The following PDE4D variants were observed in gnomAD, a reference collection of about 807,000 sequenced individuals.
The protein encoded by PDE4D is 3',5'-cyclic-AMP phosphodiesterase 4D.
Under a neutral mutation model 87.4 loss-of-function variants are expected in PDE4D, and 24 were observed. The observed-to-expected ratio is 0.27, with a 90% confidence interval of 0.20 to 0.39. PDE4D has a LOEUF of 0.39. Ranked by LOEUF, PDE4D falls within the 10% of genes least tolerant of loss-of-function variation. PDE4D has a pLI of 1.00. For missense variants in PDE4D, 714 were observed against 1,041.0 expected (o/e 0.69, Z 4.32); for synonymous variants, 384 against 383.2 (o/e 1.00, Z -0.02).
intron 2 of PDE4D, among the ~76,000 whole-genome samples, chr5:60,110,432 A>C (rs1227606018): frequency 1.3e-5 from 2 of 151,986 alleles, no homozygotes; most frequent in East Asian, 3.9e-4. Flanking sequence ...GAACATCACT[A>C]ATCATCAAAA....
chr5:59,792,402 CTGTGTGTGTG>C lies in PDE4D; in HGVS notation c.455+100756_455+100765del, dbSNP rs3062592. On this transcript the variant is annotated intron_variant, in intron 1 of 14. Coordinates refer to ENST00000340635, the MANE Select transcript of PDE4D (RefSeq NM_001104631.2). ...CAACCAACTTTGAGGCTCCAAGAAG[CTGTGTGTGTG>C]TGTGTGTGTGTGTGTGTGTGTGTGT... 1.4e-4 allele frequency among the ~76,000 whole-genome samples: 19 copies of C among 138,854 alleles called. No individual in the cohort carries two copies. In the East Asian group the frequency reaches 2.9e-3, roughly 21 times the overall value. The allele number at this position is 138,854 out of a possible 152,430, so 91.1% of individuals were successfully genotyped here.
At chr5:59,327,449 T>C (rs1387897749) in intron 1 of PDE4D, among the ~76,000 whole-genome samples, 3 of 152,048 alleles carry the variant, frequency 2.0e-5, no homozygotes, top group Admixed American at 6.6e-5. Context: ...CAAGTGCAAA[T>C]GAGCTACCTT....
At chr5:59,780,503 C>T (rs544123785) in intron 1 of PDE4D, among the ~76,000 whole-genome samples, 3 of 152,250 alleles carry the variant, frequency 2.0e-5, no homozygotes, top group South Asian at 2.1e-4. Context: ...CTTTCTTTTT[C>T]GGTAATTTTC....
intron 1 of PDE4D, among the ~76,000 whole-genome samples, chr5:59,229,935 A>C (rs1482410088): frequency 6.6e-6 from 1 of 151,962 alleles, no homozygotes; most frequent in African/African-American, 2.4e-5. Context: ...AGTAGCTGGG[A>C]TTACAGGCAG....
chr5:60,386,073 T>A (rs1378284677), intron 1 of PDE4D, among the ~76,000 whole-genome samples: 2 of 151,970 alleles, frequency 1.3e-5, no homozygotes, highest in South Asian at 2.1e-4. Flanking sequence ...AGAGGAAAAA[T>A]TAAATAATAA....
chr5:59,543,704 C>T (rs1180016605), intron 1 of PDE4D, among the ~76,000 whole-genome samples: 2 of 152,018 alleles, frequency 1.3e-5, no homozygotes, highest in African/African-American at 2.4e-5. Flanking sequence ...TGTTCCCATC[C>T]GTCTGGATGG....
At chr5:60,101,361 C>A (rs918951073) in intron 2 of PDE4D, among the ~76,000 whole-genome samples, 2 of 152,030 alleles carry the variant, frequency 1.3e-5, no homozygotes, top group African/African-American at 4.8e-5. Context: ...CTTTATAATA[C>A]CCACATTCTT....
At chr5:59,579,206 A>T (rs1203354278) in intron 1 of PDE4D, among the ~76,000 whole-genome samples, 1 of 152,158 alleles carries the variant, frequency 6.6e-6, no homozygotes, top group African/African-American at 2.4e-5. Flanking sequence ...ATCTATATTA[A>T]TATGCTCCAT....
chr5:59,884,385 G>A (rs997995001), intron 1 of PDE4D, among the ~76,000 whole-genome samples: 2 of 151,788 alleles, frequency 1.3e-5, no homozygotes, highest in Non-Finnish European at 2.9e-5. Flanking sequence ...GTAAATATAA[G>A]CATGCATGAA....
At chr5:59,452,156 G>A (rs1400426413) in intron 1 of PDE4D, among the ~76,000 whole-genome samples, 1 of 152,136 alleles carries the variant, frequency 6.6e-6, no homozygotes, top group Non-Finnish European at 1.5e-5. Context: ...GAAGACAGAA[G>A]ATTGGACACT....
chr5:59,637,337 C>T (rs928439446), intron 1 of PDE4D, among the ~76,000 whole-genome samples: 3 of 151,994 alleles, frequency 2.0e-5, no homozygotes, highest in African/African-American at 4.8e-5. Flanking sequence ...GACAGTGTGG[C>T]GATTTCTCAA....
At chr5:59,443,608 T>C (rs914202875) in intron 1 of PDE4D, among the ~76,000 whole-genome samples, 5 of 152,184 alleles carry the variant, frequency 3.3e-5, no homozygotes, top group Admixed American at 2.0e-4. Flanking sequence ...GAGTGCAGTA[T>C]CTAGAATTTA....
chr5:60,356,700 T>C (rs1477395839), intron 1 of PDE4D, among the ~76,000 whole-genome samples: 1 of 152,214 alleles, frequency 6.6e-6, no homozygotes, highest in East Asian at 1.9e-4. Context: ...TAGTACTGAA[T>C]ATTCAAGTGA....
In PDE4D at chr5:59,587,087, C is replaced by T. The variant is rs552748905; in HGVS notation, c.455+306081G>A. The T allele has an allele frequency of 4.7e-5, 32 of 678,048 alleles. No individual in the cohort carries two copies. In the African/African-American group the frequency reaches 5.1e-4, roughly 11 times the overall value. The allele number at this position is 678,048 out of a possible 1,614,324, so 42.0% of individuals were successfully genotyped here. ...GCAGGACAAGATTACCATTAACTACCATCATGACTTCAGAAGATGCTGTCA... is the reference window on the plus strand; with the variant it reads ...GCAGGACAAGATTACCATTAACTACTATCATGACTTCAGAAGATGCTGTCA... On this transcript the variant is annotated intron_variant, in intron 1 of 14. Transcript: ENST00000340635.
chr5:59,079,240 T>C (rs953613121), intron 5 of PDE4D, among the ~76,000 whole-genome samples: 2 of 152,188 alleles, frequency 1.3e-5, no homozygotes, highest in African/African-American at 2.4e-5. Context: ...AAAAATATTT[T>C]ATGACATGAA....
At chr5:59,614,507 G>A (rs928737844) in intron 1 of PDE4D, among the ~76,000 whole-genome samples, 1 of 152,122 alleles carries the variant, frequency 6.6e-6, no homozygotes, top group Non-Finnish European at 1.5e-5. Context: ...TACAATCATA[G>A]CTCAGAACTG....
Position 59,875,754 on chromosome 5 carries a change from G to C in PDE4D, c.455+17414C>G, listed in dbSNP as rs536449231. ...ATATTGAAAGAACCTGAACTTTGGA[G>C]TCATAAAAATTCTAGCATTAGCCAT... is the stretch of plus-strand genomic sequence containing the variant. On this transcript the variant is annotated intron_variant, in intron 1 of 14. Coordinates refer to ENST00000340635, the MANE Select transcript of PDE4D (RefSeq NM_001104631.2). 4.6e-5 allele frequency among the ~76,000 whole-genome samples: 7 copies of C among 152,234 alleles called. No homozygotes were observed. In the East Asian group the frequency reaches 1.4e-3, roughly 29 times the overall value.
At chr5:60,147,367 C>A (rs1280982568) in intron 2 of PDE4D, among the ~76,000 whole-genome samples, 1 of 132,824 alleles carries the variant, frequency 7.5e-6, no homozygotes, top group African/African-American at 2.8e-5. Flanking sequence ...CAAGTGCTGG[C>A]GGTGAATGGG....
Position 59,158,980 on chromosome 5 carries a change from C to A in PDE4D, c.808+21615G>T, listed in dbSNP as rs75838922. 2.9e-3 allele frequency among the ~76,000 whole-genome samples: 440 copies of A among 152,300 alleles called. 8 individuals carry two copies. In the East Asian group the frequency reaches 0.052, roughly 18 times the overall value. On this transcript the variant is annotated intron_variant, in intron 5 of 14. Transcript: ENST00000340635. ...TCCTAAAGCTCTGGAGTAGTTATCA[C>A]CCATTAACACTCCCAATACAGAAAG...
Sources: gnomAD v4.1 joint callset for allele counts (sites outside exome capture counted in the v4.1 genomes callset) on GRCh38, gnomAD v4.1.1 for gene constraint, MANE v1.5 for transcripts, NCBI Gene and HGNC (gene_info 2026-07-23, HGNC 2026-07-21) for gene names.